Variants in MICAL2 observed in about 807,000 individuals in gnomAD.
The protein encoded by MICAL2 is microtubule associated monooxygenase, calponin and LIM domain containing 2, also known as [F-actin]-monooxygenase MICAL2.
A neutral mutation model predicts 127.3 loss-of-function variants in MICAL2; 77 were observed. The observed-to-expected ratio is 0.60, with a 90% CI of 0.50 to 0.73. MICAL2 has a LOEUF of 0.73. Ranked by LOEUF, MICAL2 falls within the 30% of genes least tolerant of loss-of-function variation. MICAL2 has a pLI of 0.00. For missense variants in MICAL2, 1,351 were observed against 1,434.4 expected (o/e 0.94, Z 0.94); for synonymous variants, 570 against 551.1 (o/e 1.03, Z -0.48).
chr11:12,287,521 T>C (rs948352917), downstream of MICAL2, among the ~76,000 whole-genome samples: 14 of 152,112 alleles, frequency 9.2e-5, no homozygotes, highest in African/African-American at 3.4e-4. Flanking sequence ...TTTGATTCTG[T>C]ACACTGGAGT....
exon 33 of MICAL2, chr11:12,349,913 G>C (rs201948751): frequency 1.7e-5 from 27 of 1,613,912 alleles, no homozygotes; most frequent in Non-Finnish European, 2.3e-5. Flanking sequence ...AAATTAATGC[G>C]ATATGAGTCG....
intron 2 of MICAL2, among the ~76,000 whole-genome samples, chr11:12,142,650 G>A (rs1037419544): frequency 6.6e-6 from 1 of 152,224 alleles, no homozygotes; most frequent in Non-Finnish European, 1.5e-5. Flanking sequence ...CTGAGCTCAA[G>A]GAAATGCATC....
chr11:12,167,354 C>A (rs1331010811), intron 3 of MICAL2, among the ~76,000 whole-genome samples: 1 of 152,062 alleles, frequency 6.6e-6, no homozygotes, highest in Non-Finnish European at 1.5e-5. Context: ...GCTCCTGGGC[C>A]CCTCCCCTGT....
chr11:12,242,175 C>T (rs766073341), intron 18 of MICAL2, 39 bp from the exon 19 acceptor site: 47 of 1,522,566 alleles, frequency 3.1e-5, no homozygotes, highest in South Asian at 4.9e-5. Context: ...ATGAAAGGGC[C>T]GCAGTAGGGA....
rs1427548449 is a variant in MICAL2 at position 12,345,131 on chromosome 11, A to AAAAAAAAAAG, written c.5516-4704_5516-4703insAAAAAAGAAA. Among the ~76,000 whole-genome samples the AAAAAAAAAAG allele has an allele frequency of 9.2e-3, 1,383 of 150,764 alleles. 18 individuals are homozygous for AAAAAAAAAAG. Among genetic ancestry groups the AAAAAAAAAAG allele is most frequent in the African/African-American group, 0.029 (1,150 of 40,258 alleles). On this transcript the variant is annotated intron_variant, in intron 32 of 34. Coordinates refer to the MICAL2 transcript ENST00000646065. ...GAATCCATCTCAAAAAAAAAAAGAA[A>AAAAAAAAAAG]AAAGAAAGAAAGAAAGAAAGATTGT...
At chr11:12,175,537 T>TGA (rs949170555) in intron 3 of MICAL2, among the ~76,000 whole-genome samples, 47 of 150,424 alleles carry the variant, frequency 3.1e-4, no homozygotes, top group African/African-American at 1.1e-3. Context: ...TTCTTATCAG[T>TGA]GAGAGAGAGA....
chr11:12,143,965 C>T (rs111278178), intron 2 of MICAL2, among the ~76,000 whole-genome samples: 158 of 151,944 alleles, frequency 1.0e-3, no homozygotes, highest in African/African-American at 3.5e-3. Context: ...GAGAGAGCGC[C>T]AGGAACTCTT....
chr11:12,276,054 G>A (rs1282102038), upstream of MICAL2: 6 of 399,134 alleles, frequency 1.5e-5, no homozygotes, highest in African/African-American at 4.1e-5. Context: ...GGAAGGGGAC[G>A]CTGCCTCTCC....
At chr11:12,235,169 AG>A (rs1565217473) in intron 15 of MICAL2, among the ~76,000 whole-genome samples, 1 of 152,134 alleles carries the variant, frequency 6.6e-6, no homozygotes, top group Non-Finnish European at 1.5e-5. Context: ...CCCAGCGACA[AG>A]GGTAGGCTTA....
chr11:12,320,833 G>A (rs556912496), intron 30 of MICAL2, among the ~76,000 whole-genome samples: 3 of 152,130 alleles, frequency 2.0e-5, no homozygotes, highest in Non-Finnish European at 4.4e-5. Context: ...AAGAGGGAGG[G>A]AGAAGAGAGA....
At chr11:12,278,843 G>A (rs1307753553) in intron 1 of MICAL2, among the ~76,000 whole-genome samples, 1 of 152,216 alleles carries the variant, frequency 6.6e-6, no homozygotes, top group African/African-American at 2.4e-5. Flanking sequence ...TTTCAGAGAA[G>A]GTGCACGTTA....
chr11:12,123,590 A>C (rs977651369), intron 1 of MICAL2, among the ~76,000 whole-genome samples: 1 of 152,228 alleles, frequency 6.6e-6, no homozygotes, highest in Admixed American at 6.5e-5. Context: ...GGAATGAGTC[A>C]AATTTCCATA....
intron 3 of MICAL2, among the ~76,000 whole-genome samples, chr11:12,168,973 A>G (rs995395080): frequency 6.6e-6 from 1 of 150,668 alleles, no homozygotes; most frequent in Non-Finnish European, 1.5e-5. Flanking sequence ...AGAAAAGAAA[A>G]GAAAAGAGAG....
intron 2 of MICAL2, among the ~76,000 whole-genome samples, chr11:12,286,239 A>G (rs1863825768): frequency 6.6e-6 from 1 of 152,210 alleles, no homozygotes; most frequent in Non-Finnish European, 1.5e-5. Flanking sequence ...CACAGCCTCA[A>G]TTAAACCTGG....
intron 1 of MICAL2, among the ~76,000 whole-genome samples, chr11:12,121,287 C>T (rs1278345149): frequency 3.9e-5 from 6 of 152,126 alleles, no homozygotes; most frequent in African/African-American, 1.2e-4. Flanking sequence ...ATAGGGCAGT[C>T]GAGGTGCTGA....
intron 1 of MICAL2, among the ~76,000 whole-genome samples, chr11:12,112,718 A>G (rs188660520): frequency 3.2e-4 from 49 of 152,158 alleles, no homozygotes; most frequent in African/African-American, 1.1e-3. Flanking sequence ...GAAAATCATG[A>G]TAAGTCATGA....
chr11:12,166,869 T>C (rs11022216), intron 3 of MICAL2, among the ~76,000 whole-genome samples: 1 of 151,984 alleles, frequency 6.6e-6, no homozygotes, highest in South Asian at 2.1e-4. Context: ...GAGTTTGCCA[T>C]GTAGAGCTGA....
intron 2 of MICAL2, among the ~76,000 whole-genome samples, chr11:12,148,256 C>T (rs757774606): frequency 1.2e-4 from 18 of 152,264 alleles, no homozygotes; most frequent in Admixed American, 4.6e-4. Flanking sequence ...ATGGAGCTGA[C>T]TGGGCTTCAG....
At chr11:12,149,533 T>C (rs1853342211) in intron 2 of MICAL2, among the ~76,000 whole-genome samples, 1 of 152,122 alleles carries the variant, frequency 6.6e-6, no homozygotes, top group Non-Finnish European at 1.5e-5. Flanking sequence ...GGTGGAGACC[T>C]GACCCTCCTA....
Sources: allele counts gnomAD v4.1 joint callset (sites outside exome capture counted in the v4.1 genomes callset), GRCh38; gene constraint gnomAD v4.1.1; transcripts MANE v1.5; gene names NCBI Gene and HGNC (gene_info 2026-07-23, HGNC 2026-07-21).